MAGI1: variants seen among roughly 807,000 people sequenced by gnomAD.
MAGI1 encodes membrane associated guanylate kinase, WW and PDZ domain containing 1.
MAGI1 carries 58 observed loss-of-function variants against 139.9 expected under a neutral mutation model. The observed-to-expected ratio is 0.41, with a 90% CI of 0.34 to 0.52. The LOEUF (loss-of-function observed/expected upper bound fraction) is 0.52, where lower values mean the gene tolerates loss of function less well. Among genes scored for constraint, MAGI1 ranks in the 20% least tolerant of loss-of-function variants. MAGI1 has a pLI of 0.12. For missense variants in MAGI1, 1,874 were observed against 1,901.6 expected (o/e 0.99, Z 0.27); for synonymous variants, 812 against 737.9 (o/e 1.10, Z -1.63).
chr3:65,478,855 T>C (rs956274432), intron 3 of MAGI1, 57 bp from the exon 4 acceptor site: 11 of 1,363,952 alleles, frequency 8.1e-6, no homozygotes, highest in Non-Finnish European at 1.2e-5. Context: ...GTGTTTTTTT[T>C]TAAGACTTCA....
intron 5 of MAGI1, among the ~76,000 whole-genome samples, chr3:65,454,758 G>T (rs1949281242): frequency 6.7e-6 from 1 of 149,248 alleles, no homozygotes; most frequent in Non-Finnish European, 1.5e-5. Flanking sequence ...GAGAAAAACA[G>T]AATCTGCGAA....
chr3:66,007,695 G>C (rs1258324383), intron 1 of MAGI1, among the ~76,000 whole-genome samples: 4 of 152,150 alleles, frequency 2.6e-5, no homozygotes, highest in Non-Finnish European at 5.9e-5. Flanking sequence ...GGATGGGCTT[G>C]ACTCAAACAA....
At chr3:65,809,825 G>A (rs1005505109) in intron 1 of MAGI1, among the ~76,000 whole-genome samples, 2 of 152,152 alleles carry the variant, frequency 1.3e-5, no homozygotes, top group Non-Finnish European at 2.9e-5. Context: ...CTCCTGTCCA[G>A]TTCCTCTTTC....
At chr3:65,877,158 T>G (rs114288693) in intron 1 of MAGI1, among the ~76,000 whole-genome samples, 3,697 of 152,286 alleles carry the variant, frequency 0.024, 78 homozygotes, top group Middle Eastern at 0.044. Context: ...ATCAACATAC[T>G]CTGTGGTCCA....
chr3:65,899,442 G>C (rs2061125577), intron 1 of MAGI1, among the ~76,000 whole-genome samples: 1 of 152,114 alleles, frequency 6.6e-6, no homozygotes, highest in Non-Finnish European at 1.5e-5. Flanking sequence ...AATGAAAACA[G>C]ATCACAGGAA....
At chr3:65,659,685 T>A (rs1193132654) in intron 1 of MAGI1, among the ~76,000 whole-genome samples, 1 of 152,192 alleles carries the variant, frequency 6.6e-6, no homozygotes, top group East Asian at 1.9e-4. Context: ...TATTTTTCAC[T>A]TTGCAATAAA....
intron 1 of MAGI1, among the ~76,000 whole-genome samples, chr3:65,917,963 G>C (rs1475832189): frequency 6.6e-6 from 1 of 152,168 alleles, no homozygotes; most frequent in Admixed American, 6.5e-5. Context: ...TTCATCAATT[G>C]TAACAAATGT....
intron 2 of MAGI1, among the ~76,000 whole-genome samples, chr3:65,497,030 T>C (rs556344605): frequency 2.0e-5 from 3 of 152,036 alleles, no homozygotes; most frequent in Admixed American, 6.5e-5. Flanking sequence ...AAAGGGAAAA[T>C]CAAAAGTTCA....
intron 1 of MAGI1, among the ~76,000 whole-genome samples, chr3:65,732,999 T>C (rs1189041972): frequency 6.6e-6 from 1 of 152,218 alleles, no homozygotes; most frequent in Non-Finnish European, 1.5e-5. Context: ...TTGCTGATTG[T>C]CTGGACTCAG....
At chr3:65,706,398 A>T (rs2107631282) in intron 1 of MAGI1, among the ~76,000 whole-genome samples, 1 of 152,340 alleles carries the variant, frequency 6.6e-6, no homozygotes, top group South Asian at 2.1e-4. Context: ...GCCATACCAT[A>T]GCCTCTGCCT....
At chr3:65,765,669 C>A (rs188625447) in intron 1 of MAGI1, among the ~76,000 whole-genome samples, 1 of 152,286 alleles carries the variant, frequency 6.6e-6, no homozygotes, top group East Asian at 1.9e-4. Context: ...CAACCAGAGG[C>A]TGTATGGCCT....
At chr3:65,684,796 G>T (rs143977267) in intron 1 of MAGI1, among the ~76,000 whole-genome samples, 219 of 151,254 alleles carry the variant, frequency 1.4e-3, no homozygotes, top group African/African-American at 4.8e-3. Context: ...CAACCTCCCA[G>T]GCTCAAGCAA....
chr3:65,729,999 A>T (rs2034023411), intron 1 of MAGI1, among the ~76,000 whole-genome samples: 1 of 152,222 alleles, frequency 6.6e-6, no homozygotes, highest in African/African-American at 2.4e-5. Context: ...TTCAATTAGA[A>T]ATTAAAATTT....
chr3:65,795,728 G>GACACACACACACACACACACAC (rs1577148874), intron 1 of MAGI1, among the ~76,000 whole-genome samples: 1 of 68,788 alleles, frequency 1.5e-5, no homozygotes. Context: ...CACACACACG[G>GACACACACACACACACACACAC]AGAGAGAGAG....
intron 1 of MAGI1, among the ~76,000 whole-genome samples, chr3:65,681,310 C>T (rs2087574819): frequency 6.6e-6 from 1 of 152,186 alleles, no homozygotes; most frequent in South Asian, 2.1e-4. Context: ...CAAACATCTG[C>T]CCCAAATAAG....
intron 1 of MAGI1, among the ~76,000 whole-genome samples, 186 bp from the exon 2 acceptor site, chr3:65,622,274 A>C (rs1169723663): frequency 6.6e-6 from 1 of 152,186 alleles, no homozygotes; most frequent in African/African-American, 2.4e-5. Flanking sequence ...CATAAAGATA[A>C]AACAGCACTG....
intron 1 of MAGI1, among the ~76,000 whole-genome samples, chr3:66,014,863 C>T (rs75377498): frequency 6.6e-6 from 1 of 152,140 alleles, no homozygotes; most frequent in African/African-American, 2.4e-5. Context: ...CCTTTGCTCC[C>T]ACTGTTGCCT....
At chr3:65,984,782 A>G (rs1006770397) in intron 1 of MAGI1, among the ~76,000 whole-genome samples, 2 of 148,432 alleles carry the variant, frequency 1.3e-5, no homozygotes, top group Admixed American at 6.9e-5. Flanking sequence ...TTCTGGGCCC[A>G]AGTGATTCTC....
At chr3:66,035,894 G>A (rs534796324) in intron 1 of MAGI1, among the ~76,000 whole-genome samples, 1 of 152,064 alleles carries the variant, frequency 6.6e-6, no homozygotes, top group African/African-American at 2.4e-5. Flanking sequence ...CTGGGACATC[G>A]CCTCCCAGAA....
Sources: gnomAD v4.1 joint callset for allele counts (sites outside exome capture counted in the v4.1 genomes callset) on GRCh38, gnomAD v4.1.1 for gene constraint, MANE v1.5 for transcripts, NCBI Gene and HGNC (gene_info 2026-07-23, HGNC 2026-07-21) for gene names.